The following CLASP2 variants were observed in gnomAD, a reference collection of about 807,000 sequenced individuals.
CLASP2 encodes cytoplasmic linker associated protein 2, also known as CLIP-associating protein 2.
Under a neutral mutation model 194.4 loss-of-function variants are expected in CLASP2, and 47 were observed. That is an observed-to-expected ratio of 0.24 (90% CI 0.19 to 0.31). The LOEUF (loss-of-function observed/expected upper bound fraction) is 0.31, where lower values mean the gene tolerates loss of function less well. Among genes scored for constraint, CLASP2 ranks in the 10% least tolerant of loss-of-function variants. The pLI is 1.00. For missense variants in CLASP2, 1,445 were observed against 1,823.6 expected, an observed-to-expected ratio of 0.79 and a Z score of 3.78; for synonymous variants, 619 against 633.5, an observed-to-expected ratio of 0.98 and a Z score of 0.34.
chr3:33,625,491 G>C (rs1245735019), intron 10 of CLASP2, among the ~76,000 whole-genome samples: 4 of 148,220 alleles, frequency 2.7e-5, no homozygotes, highest in East Asian at 2.0e-4. Flanking sequence ...CAGGTGTACT[G>C]AATGAGCACC....
intron 13 of CLASP2, among the ~76,000 whole-genome samples, chr3:33,611,414 A>G (rs994897115): frequency 6.6e-6 from 1 of 152,160 alleles, no homozygotes; most frequent in Non-Finnish European, 1.5e-5. Context: ...TGTAATCCTC[A>G]TTCCTGCATA....
In CLASP2 at chr3:33,637,480, G is replaced by T. The variant is rs1385099606; in HGVS notation, c.863-5109C>A. Among the ~76,000 whole-genome samples the T allele has an allele frequency of 2.6e-5, 4 of 152,274 alleles. No individual in the cohort carries two copies. In the South Asian group the frequency reaches 6.2e-4, roughly 24 times the overall value. On this transcript the variant is annotated intron_variant, in intron 8 of 38. Transcript: ENST00000682230. ...ACCTGGGAGGTGCAGGTTGCAGTGA[G>T]CCGAGATCATGCCTCTGCACTCTAG...
intron 34 of CLASP2, among the ~76,000 whole-genome samples, chr3:33,518,133 A>C (rs1449850522): frequency 6.6e-6 from 1 of 152,250 alleles, no homozygotes; most frequent in East Asian, 1.9e-4. Flanking sequence ...TAGAAAAAGC[A>C]GAACAGATTC....
At chr3:33,615,680 A>G (rs9834001) in intron 12 of CLASP2, among the ~76,000 whole-genome samples, 63,547 of 151,624 alleles carry the variant, frequency 0.42, 13,605 homozygotes, top group Admixed American at 0.52. Flanking sequence ...AATGATAACC[A>G]ACTACCTATA....
At chr3:33,584,667 C>T in intron 22 of CLASP2, 83 bp downstream of exon 22, 1 of 1,246,498 alleles carries the variant, frequency 8.0e-7, no homozygotes, top group Non-Finnish European at 1.1e-6. Flanking sequence ...TAATTGTATT[C>T]CAAAGTCTTC....
intron 30 of CLASP2, among the ~76,000 whole-genome samples, chr3:33,548,752 C>G (rs574534433): frequency 6.8e-6 from 1 of 147,338 alleles, no homozygotes; most frequent in African/African-American, 2.5e-5. Flanking sequence ...GTAACGACTA[C>G]GGTTTCATTT....
chr3:33,689,569 A>C (rs2091106258), intron 3 of CLASP2, among the ~76,000 whole-genome samples: 2 of 152,192 alleles, frequency 1.3e-5, no homozygotes, highest in South Asian at 4.1e-4. Flanking sequence ...AAAAATCCTA[A>C]AGTATAACAT....
intron 25 of CLASP2, 49 bp from the exon 26 acceptor site, chr3:33,570,839 T>C: frequency 6.9e-7 from 1 of 1,443,018 alleles, no homozygotes; most frequent in East Asian, 2.5e-5. Context: ...TAGCAAGAAG[T>C]CATGTAAAAG....
chr3:33,584,180 G>A (rs1158622882), intron 22 of CLASP2, among the ~76,000 whole-genome samples: 5 of 151,730 alleles, frequency 3.3e-5, no homozygotes, highest in African/African-American at 9.7e-5. Flanking sequence ...GTGTATATGT[G>A]ATAAATATGT....
chr3:33,698,456 G>A (rs72858374), intron 1 of CLASP2, among the ~76,000 whole-genome samples: 14,131 of 152,114 alleles, frequency 0.093, 714 homozygotes, highest in African/African-American at 0.12. Context: ...GAATGACGCT[G>A]TTTCCCCCAA....
intron 37 of CLASP2, among the ~76,000 whole-genome samples, chr3:33,508,752 TTCTTTC>T (rs1451561491): frequency 6.6e-6 from 1 of 152,238 alleles, no homozygotes; most frequent in Non-Finnish European, 1.5e-5. Flanking sequence ...TGAGCTTTGA[TTCTTTC>T]TCTTTATTAA....
At chr3:33,499,352 CT>C (rs11446264) in intron 38 of CLASP2, among the ~76,000 whole-genome samples, 175 of 136,964 alleles carry the variant, frequency 1.3e-3, no homozygotes, top group South Asian at 1.4e-3. Flanking sequence ...TAGGGCAGTT[CT>C]TTTTTTTTTT....
At chr3:33,692,042 T>C (rs2091411131) in intron 2 of CLASP2, among the ~76,000 whole-genome samples, 2 of 152,064 alleles carry the variant, frequency 1.3e-5, no homozygotes, top group African/African-American at 2.4e-5. Context: ...TGATGATGCG[T>C]GTCTGTAGCC....
intron 9 of CLASP2, among the ~76,000 whole-genome samples, chr3:33,627,435 C>T (rs887828680): frequency 1.3e-5 from 2 of 152,076 alleles, no homozygotes; most frequent in East Asian, 3.8e-4. Flanking sequence ...ATACATATTA[C>T]CCAATATTAC....
intron 9 of CLASP2, among the ~76,000 whole-genome samples, chr3:33,628,750 G>A (rs1005859742): frequency 1.1e-4 from 17 of 152,138 alleles, no homozygotes; most frequent in Middle Eastern, 3.4e-3. Flanking sequence ...CTAGATAAAC[G>A]TGGGAACTGA....
chr3:33,668,862 G>C (rs2086650225), intron 6 of CLASP2, among the ~76,000 whole-genome samples: 1 of 152,194 alleles, frequency 6.6e-6, no homozygotes, highest in South Asian at 2.1e-4. Flanking sequence ...CTGGGTCTCA[G>C]AGTCTTCATC....
intron 34 of CLASP2, among the ~76,000 whole-genome samples, chr3:33,527,315 A>G (rs148298926): frequency 1.2e-4 from 18 of 152,322 alleles, no homozygotes; most frequent in African/African-American, 3.8e-4. Context: ...AATAAAAACC[A>G]TCAGAAACTA....
intron 37 of CLASP2, chr3:33,504,091 A>G (rs975894050): frequency 3.3e-5 from 5 of 152,230 alleles, no homozygotes; most frequent in Admixed American, 3.3e-4. Context: ...TATCAGATAT[A>G]TAATTTGCAA....
chr3:33,567,336 G>A (rs975502068), intron 26 of CLASP2, among the ~76,000 whole-genome samples: 2 of 152,182 alleles, frequency 1.3e-5, no homozygotes, highest in Admixed American at 6.5e-5. Context: ...TAGAATGCTC[G>A]TCAGGAGATT....
Sources: gnomAD v4.1 joint callset for allele counts (sites outside exome capture counted in the v4.1 genomes callset) on GRCh38, gnomAD v4.1.1 for gene constraint, MANE v1.5 for transcripts, NCBI Gene and HGNC (gene_info 2026-07-23, HGNC 2026-07-21) for gene names.